PTBP3: variants seen among roughly 807,000 people sequenced by gnomAD.
PTBP3 encodes polypyrimidine tract-binding protein 3.
PTBP3 carries 20 observed loss-of-function variants against 58.7 expected under a neutral mutation model. The ratio of observed to expected loss-of-function variants is 0.34; its 90% CI spans 0.24 to 0.50. The LOEUF (loss-of-function observed/expected upper bound fraction) is 0.50. Among genes scored for constraint, PTBP3 ranks in the 20% least tolerant of loss-of-function variants. PTBP3 has a pLI of 0.98. For missense variants in PTBP3, 509 were observed against 637.2 expected (o/e 0.80, Z 2.17); for synonymous variants, 185 against 219.8 (o/e 0.84, Z 1.40).
At chr9:112,249,139 AC>A (rs1564404291) in intron 7 of PTBP3, among the ~76,000 whole-genome samples, 1 of 152,166 alleles carries the variant, frequency 6.6e-6, no homozygotes, top group Non-Finnish European at 1.5e-5. Context: ...TGGTAAAAAA[AC>A]AACAGGAAAA....
chr9:112,376,293 C>T, the PTBP3 span, among the ~76,000 whole-genome samples: 1 of 114,130 alleles, frequency 8.8e-6, no homozygotes, highest in East Asian at 3.0e-4. Flanking sequence ...CTCGGTCTGT[C>T]ACCAGGCTGG....
chr9:112,296,467 G>A (rs979753540), intron 2 of PTBP3, among the ~76,000 whole-genome samples: 6 of 151,884 alleles, frequency 4.0e-5, no homozygotes, highest in Non-Finnish European at 7.4e-5. Context: ...TCACTTTCCC[G>A]AACATCTATG....
At chr9:112,356,018 T>G in the PTBP3 span, among the ~76,000 whole-genome samples, 14 of 151,620 alleles carry the variant, frequency 9.2e-5, no homozygotes, top group Middle Eastern at 3.4e-3. Flanking sequence ...CTTCCTTCTT[T>G]CCTTCTTCTT....
In PTBP3 at chr9:112,220,514, G is replaced by A; in HGVS notation, c.*3337C>T. The A allele has an allele frequency of 9.7e-7, 1 of 1,030,132 alleles. No individual in the cohort carries two copies. The allele number at this position is 1,030,132 out of a possible 1,614,324, so 63.8% of individuals were successfully genotyped here. ...CCTCACTGTCATAAGGGAACAGGCA[G>A]GCATAAATGATATCTCCAAAAACTG... is the stretch of plus-strand genomic sequence containing the variant. On this transcript the variant is annotated 3_prime_UTR_variant, in exon 14 of 14. Coordinates refer to ENST00000374257, the MANE Select transcript of PTBP3 (RefSeq NM_001163788.4).
intron 2 of PTBP3, among the ~76,000 whole-genome samples, chr9:112,296,806 AT>A (rs974925775): frequency 2.0e-5 from 3 of 152,196 alleles, no homozygotes; most frequent in Non-Finnish European, 4.4e-5. Flanking sequence ...ATTCATTACC[AT>A]TCATCTACCC....
chr9:112,355,937 T>TTTTCTTTTC, the PTBP3 span, among the ~76,000 whole-genome samples: 71,895 of 150,288 alleles, frequency 0.48, 17,328 homozygotes, highest in Middle Eastern at 0.56. Context: ...AGTTTCTTTC[T>TTTTCTTTTC]TTTCTTTTCT....
At chr9:112,353,647 T>C in the PTBP3 span, among the ~76,000 whole-genome samples, 19 of 152,280 alleles carry the variant, frequency 1.2e-4, no homozygotes, top group East Asian at 3.7e-3. Flanking sequence ...TGATTTACTT[T>C]TCCTGTCTTG....
intron 1 of PTBP3, among the ~76,000 whole-genome samples, chr9:112,305,748 G>A (rs1215088914): frequency 2.0e-5 from 3 of 152,086 alleles, no homozygotes; most frequent in Non-Finnish European, 4.4e-5. Context: ...AGACCACCCT[G>A]GCTGACACGG....
At position 112,227,473 on chromosome 9, in the gene PTBP3, C is replaced by T. The variant is rs780034162; in HGVS notation, c.1302G>A (p.Pro434=). ...SNSPLHRFKK[P]GSKNFQNIFP... is the part of the protein sequence containing the mutation. ...AGATATTCTGGAAGTTTTTAGAGCCCGGCTTTTTAAAGCGATGCAAAGGAC... is the reference window on the plus strand; with the variant it reads ...AGATATTCTGGAAGTTTTTAGAGCCTGGCTTTTTAAAGCGATGCAAAGGAC... The change falls in exon 12 of 14, where the codon CCG becomes CCA. Residue 434 remains proline, a synonymous_variant. Coordinates refer to ENST00000374257, the MANE Select transcript of PTBP3 (RefSeq NM_001163788.4). 69 of 1,613,928 alleles carry T rather than the reference C, an allele frequency of 4.3e-5. No individual in the cohort carries two copies. The highest frequency in any genetic ancestry group is 6.7e-5 in the East Asian group (3 of 44,864).
At chr9:112,350,996 C>T in the PTBP3 span, among the ~76,000 whole-genome samples, 1 of 152,056 alleles carries the variant, frequency 6.6e-6, no homozygotes, top group African/African-American at 2.4e-5. Flanking sequence ...TGTTGGCCAG[C>T]CTGGTCTAGA....
intron 3 of PTBP3, among the ~76,000 whole-genome samples, chr9:112,268,405 C>T (rs1289685691): frequency 1.3e-5 from 2 of 152,074 alleles, no homozygotes; most frequent in East Asian, 3.8e-4. Flanking sequence ...CACTGAAGAA[C>T]TTGAGAAGCC....
At chr9:112,357,299 C>T in the PTBP3 span, among the ~76,000 whole-genome samples, 2 of 152,248 alleles carry the variant, frequency 1.3e-5, no homozygotes, top group Non-Finnish European at 2.9e-5. Context: ...ACTGCATATT[C>T]CAATTTGTTA....
chr9:112,263,052 A>C (rs536352840), intron 4 of PTBP3, among the ~76,000 whole-genome samples: 4 of 152,340 alleles, frequency 2.6e-5, no homozygotes, highest in South Asian at 4.1e-4. Flanking sequence ...CAGAAATCAC[A>C]AGAAGAGTAT....
intron 7 of PTBP3, among the ~76,000 whole-genome samples, chr9:112,239,819 G>GGAAGGA (rs1564397572): frequency 1.8e-5 from 2 of 108,134 alleles, no homozygotes; most frequent in South Asian, 3.6e-4. Flanking sequence ...GGAAGGAAGG[G>GGAAGGA]AGGAAGGGAG....
chr9:112,367,929 TATTA>T, the PTBP3 span, among the ~76,000 whole-genome samples: 1 of 152,152 alleles, frequency 6.6e-6, no homozygotes, highest in Non-Finnish European at 1.5e-5. Context: ...ATAATGTATA[TATTA>T]GTTTGTTTGA....
intron 10 of PTBP3, among the ~76,000 whole-genome samples, chr9:112,229,583 C>A (rs943808390): frequency 1.4e-5 from 2 of 145,656 alleles, no homozygotes; most frequent in African/African-American, 2.5e-5. Flanking sequence ...AAAAAAAAAT[C>A]TTTCAATAGT....
At chr9:112,366,661 T>C in the PTBP3 span, among the ~76,000 whole-genome samples, 1 of 152,152 alleles carries the variant, frequency 6.6e-6, no homozygotes, top group African/African-American at 2.4e-5. Flanking sequence ...AGGCAGAAGT[T>C]TGCTGCAGGG....
chr9:112,311,757 A>G (rs1235900539), intron 1 of PTBP3, among the ~76,000 whole-genome samples: 1 of 152,122 alleles, frequency 6.6e-6, no homozygotes, highest in Non-Finnish European at 1.5e-5. Context: ...ACCAGCCTGG[A>G]CAAGAGCTAA....
intron 1 of PTBP3, among the ~76,000 whole-genome samples, chr9:112,315,467 G>A (rs894234410): frequency 1.3e-5 from 2 of 152,112 alleles, no homozygotes; most frequent in Admixed American, 6.6e-5. Flanking sequence ...GTGGGATGCA[G>A]CTAAAGAAAT....
Sources: allele counts gnomAD v4.1 joint callset (sites outside exome capture counted in the v4.1 genomes callset), GRCh38; gene constraint gnomAD v4.1.1; transcripts MANE v1.5; gene names NCBI Gene and HGNC (gene_info 2026-07-23, HGNC 2026-07-21).